IGSF21: variants seen among roughly 807,000 people sequenced by gnomAD.
IGSF21 encodes the protein immunoglobin superfamily member 21.
In IGSF21, 28 loss-of-function variants were observed where a neutral mutation model predicts 46.8. That is an observed-to-expected ratio of 0.60 (90% CI 0.44 to 0.82). The LOEUF (loss-of-function observed/expected upper bound fraction) is 0.82, where lower values mean the gene tolerates loss of function less well. Among genes scored for constraint, IGSF21 ranks in the 40% least tolerant of loss-of-function variants. The pLI is 0.00. For missense variants in IGSF21, 624 were observed against 665.5 expected (o/e 0.94, Z 0.69); for synonymous variants, 284 against 273.6 (o/e 1.04, Z -0.38).
intron 1 of IGSF21, among the ~76,000 whole-genome samples, chr1:18,173,631 A>G (rs1322899010): frequency 1.3e-5 from 2 of 152,224 alleles, no homozygotes; most frequent in African/African-American, 2.4e-5. Flanking sequence ...AGATTTAGCC[A>G]TGTGGTTACA....
At chr1:18,219,013 T>A (rs1240497309) in intron 1 of IGSF21, among the ~76,000 whole-genome samples, 2 of 152,196 alleles carry the variant, frequency 1.3e-5, no homozygotes, top group Non-Finnish European at 2.9e-5. Flanking sequence ...TGGAGGTAGA[T>A]CAATAGAAAT....
At chr1:18,278,441 A>T (rs2085125185) in intron 2 of IGSF21, among the ~76,000 whole-genome samples, 1 of 151,832 alleles carries the variant, frequency 6.6e-6, no homozygotes, top group East Asian at 1.9e-4. Context: ...GGGTTTCACC[A>T]TGTTAACCAG....
intron 1 of IGSF21, among the ~76,000 whole-genome samples, chr1:18,225,130 A>ACACACACACACAC (rs2084552914): frequency 9.8e-6 from 1 of 102,224 alleles, no homozygotes; most frequent in Non-Finnish European, 2.0e-5. Flanking sequence ...CACACACACA[A>ACACACACACACAC]AGAAATCATG....
chr1:18,377,361 C>T (rs1414745513), intron 8 of IGSF21, 32 bp from the exon 9 acceptor site: 4 of 1,605,690 alleles, frequency 2.5e-6, no homozygotes, highest in Non-Finnish European at 3.4e-6. Flanking sequence ...GGCCATCCAC[C>T]CTTTGGTTCT....
At chr1:18,319,771 A>C (rs2085582605) in intron 3 of IGSF21, among the ~76,000 whole-genome samples, 1 of 151,978 alleles carries the variant, frequency 6.6e-6, no homozygotes, top group East Asian at 1.9e-4. Flanking sequence ...CCTCCCAGCA[A>C]TTTCAAATTT....
At chr1:18,154,168 C>A (rs956344372) in intron 1 of IGSF21, among the ~76,000 whole-genome samples, 2 of 152,164 alleles carry the variant, frequency 1.3e-5, no homozygotes, top group African/African-American at 4.8e-5. Flanking sequence ...CCTTCCCTAT[C>A]GCCTTCACCT....
Position 18,290,227 on chromosome 1 carries a change from C to G in IGSF21, c.184-1639C>G, listed in dbSNP as rs1380096173. On this transcript the variant is annotated intron_variant, in intron 2 of 9. Coordinates refer to ENST00000251296, the MANE Select transcript of IGSF21 (RefSeq NM_032880.5). The surrounding 1 kb of genome is among the most constrained non-coding windows in gnomAD (Gnocchi z 4.2). ...CACTCTCATGGTCCCGTTTCAGAAG[C>G]TGGGCCTGTGCTGCAGAAGCAGCCA... 1.3e-5 allele frequency among the ~76,000 whole-genome samples: 2 copies of G among 152,154 alleles called. No individual in the cohort carries two copies. The highest frequency in any genetic ancestry group is 4.8e-5 in the African/African-American group (2 of 41,432).
chr1:18,131,313 C>T (rs2086319506), intron 1 of IGSF21, among the ~76,000 whole-genome samples: 3 of 152,168 alleles, frequency 2.0e-5, no homozygotes, highest in Admixed American at 2.0e-4. Flanking sequence ...ATCGCTTTTC[C>T]ATCCCAGACT....
intron 2 of IGSF21, among the ~76,000 whole-genome samples, chr1:18,268,546 G>A (rs1310153647): frequency 6.6e-6 from 1 of 152,204 alleles, no homozygotes; most frequent in Non-Finnish European, 1.5e-5. Flanking sequence ...CATGTGATAT[G>A]TCTGGAAAGA....
intron 1 of IGSF21, among the ~76,000 whole-genome samples, chr1:18,168,159 G>A (rs1300108566): frequency 1.3e-5 from 2 of 152,160 alleles, no homozygotes; most frequent in Non-Finnish European, 1.5e-5. Flanking sequence ...ACTGCAAGGA[G>A]GGTCTCTGTT....
chr1:18,260,378 G>T (rs2084935567), intron 2 of IGSF21, among the ~76,000 whole-genome samples: 1 of 152,234 alleles, frequency 6.6e-6, no homozygotes, highest in African/African-American at 2.4e-5. Flanking sequence ...GCCCGGGAGG[G>T]TTCTTGGCTT....
At chr1:18,254,574 T>C (rs2084872752) in intron 2 of IGSF21, among the ~76,000 whole-genome samples, 1 of 152,160 alleles carries the variant, frequency 6.6e-6, no homozygotes, top group Non-Finnish European at 1.5e-5. Flanking sequence ...GTCAGCTGTC[T>C]TCATCCTTTC....
intron 2 of IGSF21, among the ~76,000 whole-genome samples, chr1:18,249,883 A>G (rs2084820916): frequency 6.6e-6 from 1 of 151,970 alleles, no homozygotes; most frequent in South Asian, 2.1e-4. Context: ...CTTCAGCCTC[A>G]TTTCCTGCTG....
At chr1:18,212,832 G>A (rs1440573120) in intron 1 of IGSF21, among the ~76,000 whole-genome samples, 1 of 144,434 alleles carries the variant, frequency 6.9e-6, no homozygotes, top group African/African-American at 2.6e-5. Flanking sequence ...CTTGGATGCA[G>A]GATTGACCCA....
At chr1:18,221,999 C>A (rs960798953) in intron 1 of IGSF21, among the ~76,000 whole-genome samples, 1 of 152,062 alleles carries the variant, frequency 6.6e-6, no homozygotes, top group African/African-American at 2.4e-5. Context: ...AACTGAGGCC[C>A]AGGAAGAGGG....
At chr1:18,278,222 T>G (rs1475576052) in intron 2 of IGSF21, among the ~76,000 whole-genome samples, 1 of 90,404 alleles carries the variant, frequency 1.1e-5, no homozygotes, top group Non-Finnish European at 2.3e-5. Flanking sequence ...ATTTATTTAT[T>G]TATTTATTTA....
At chr1:18,285,023 C>T (rs555711240) in intron 2 of IGSF21, among the ~76,000 whole-genome samples, 1 of 152,286 alleles carries the variant, frequency 6.6e-6, no homozygotes, top group East Asian at 1.9e-4. Context: ...CAAAATACAC[C>T]AGCAGTTTTC....
intron 1 of IGSF21, among the ~76,000 whole-genome samples, chr1:18,167,283 G>T (rs948529941): frequency 1.1e-4 from 16 of 152,164 alleles, no homozygotes; most frequent in Admixed American, 7.9e-4. Flanking sequence ...GCTGGATAGA[G>T]GTGGCTCAGT....
chr1:18,131,261 A>T (rs1197631851), intron 1 of IGSF21, among the ~76,000 whole-genome samples: 2 of 152,150 alleles, frequency 1.3e-5, no homozygotes, highest in East Asian at 3.9e-4. Context: ...CTCAGACATA[A>T]ACTCCCAACC....
Sources: allele counts gnomAD v4.1 joint callset (sites outside exome capture counted in the v4.1 genomes callset), GRCh38; gene constraint gnomAD v4.1.1; non-coding constraint Gnocchi (gnomAD v3.1); transcripts MANE v1.5; gene names NCBI Gene and HGNC (gene_info 2026-07-23, HGNC 2026-07-21).